The following SNX24 variants were observed in gnomAD, a reference collection of about 807,000 sequenced individuals.
SNX24 encodes sorting nexin-24.
Under a neutral mutation model 28.7 loss-of-function variants are expected in SNX24, and 22 were observed. That is an observed-to-expected ratio of 0.77 (90% CI 0.55 to 1.10). The LOEUF (loss-of-function observed/expected upper bound fraction) is 1.10. SNX24 is among the 50% of genes least tolerant of loss of function. The probability of loss-of-function intolerance (pLI) is 0.00; values close to 1 mark genes in which losing one functional copy is unlikely to be tolerated. For synonymous variants in SNX24, 69 were observed against 71.5 expected (o/e 0.96, Z 0.18); for missense variants, 221 against 201.1 (o/e 1.10, Z -0.60).
chr5:122,983,801 T>A (rs1394543687), intron 3 of SNX24, among the ~76,000 whole-genome samples: 1 of 152,192 alleles, frequency 6.6e-6, no homozygotes, highest in Non-Finnish European at 1.5e-5. Flanking sequence ...AGATGAGGTC[T>A]CACTATGTGT....
chr5:122,878,611 G>A (rs891512188), intron 1 of SNX24, among the ~76,000 whole-genome samples: 1 of 152,086 alleles, frequency 6.6e-6, no homozygotes, highest in African/African-American at 2.4e-5. Context: ...GAGGTGAACT[G>A]CTGTTCTTGG....
intron 5 of SNX24, among the ~76,000 whole-genome samples, chr5:123,018,745 G>A (rs924754323): frequency 2.6e-5 from 4 of 151,930 alleles, no homozygotes; most frequent in Admixed American, 2.6e-4. Flanking sequence ...GGAGTGCAGT[G>A]GTGGGATATC....
At chr5:122,908,314 T>G (rs1757736375) in intron 1 of SNX24, among the ~76,000 whole-genome samples, 2 of 152,136 alleles carry the variant, frequency 1.3e-5, no homozygotes, top group South Asian at 4.1e-4. Context: ...CGTCAGAAAC[T>G]AGAAACTTGA....
chr5:122,968,134 A>C (rs1016647693), intron 3 of SNX24, among the ~76,000 whole-genome samples: 25 of 152,200 alleles, frequency 1.6e-4, no homozygotes, highest in African/African-American at 6.0e-4. Context: ...CAGGCAGATC[A>C]CCTGAGGTCA....
At chr5:123,020,350 G>A (rs771426389) in intron 5 of SNX24, among the ~76,000 whole-genome samples, 4 of 152,204 alleles carry the variant, frequency 2.6e-5, no homozygotes, top group Non-Finnish European at 5.9e-5. Context: ...ATTTACTTAT[G>A]TGAATTTGCA....
chr5:122,945,699 TCATC>T (rs952162924), intron 2 of SNX24, among the ~76,000 whole-genome samples: 33 of 152,244 alleles, frequency 2.2e-4, no homozygotes, highest in Non-Finnish European at 3.7e-4. Context: ...GCAAAGTCCT[TCATC>T]CAAGTAAAAT....
At chr5:122,943,595 C>CT (rs1759556974) in intron 2 of SNX24, among the ~76,000 whole-genome samples, 1 of 152,054 alleles carries the variant, frequency 6.6e-6, no homozygotes, top group Admixed American at 6.5e-5. Context: ...ACTGAGGTCC[C>CT]TTTTTTTTCT....
At position 123,029,067 on chromosome 5, in the gene SNX24, A is replaced by G. The variant is rs952164861; in HGVS notation, n.384-171A>G. 4 of 844,554 alleles carry G rather than the reference A, an allele frequency of 4.7e-6. No homozygotes were observed. In the African/African-American group the frequency reaches 6.9e-5, roughly 14 times the overall value. The allele number at this position is 844,554 out of a possible 1,614,324, so 52.3% of individuals were successfully genotyped here. A position where few individuals can be genotyped will look rare whatever the true frequency, so the allele number is the denominator to read the frequency against. On this transcript the variant is annotated intron_variant and non_coding_transcript_variant, in intron 5 of 5. Transcript: ENST00000502387. ...AATATGTTATGGAAGTAGAGTATTA[A>G]TGTGAATAAGTTAAAAGAGAGCAAA...
chr5:122,931,507 T>C (rs2150112089), intron 1 of SNX24, among the ~76,000 whole-genome samples: 1 of 152,290 alleles, frequency 6.6e-6, no homozygotes, highest in Non-Finnish European at 1.5e-5. Context: ...TTTTTTATTA[T>C]CTTGAATGTT....
At chr5:122,931,816 G>A (rs1217718947) in intron 1 of SNX24, among the ~76,000 whole-genome samples, 1 of 151,728 alleles carries the variant, frequency 6.6e-6, no homozygotes, top group Non-Finnish European at 1.5e-5. Context: ...ATCTGTTATA[G>A]AGAATTCTTT....
At chr5:122,852,055 C>T (rs1246728847) in intron 1 of SNX24, among the ~76,000 whole-genome samples, 1 of 151,340 alleles carries the variant, frequency 6.6e-6, no homozygotes, top group Non-Finnish European at 1.5e-5. Flanking sequence ...TTTATTGGTA[C>T]TGTAGTGCTA....
At chr5:122,861,121 C>T (rs1387593838) in intron 1 of SNX24, among the ~76,000 whole-genome samples, 2 of 151,930 alleles carry the variant, frequency 1.3e-5, no homozygotes, top group African/African-American at 2.4e-5. Context: ...GGGTAGATCA[C>T]TTGAGGTCAG....
intron 5 of SNX24, chr5:123,025,794 A>G (rs558434599): frequency 3.1e-6 from 5 of 1,612,990 alleles, no homozygotes; most frequent in African/African-American, 1.3e-5. Flanking sequence ...CATCCCATCA[A>G]TGACTTTTCC....
At chr5:122,929,319 T>C (rs1758846853) in intron 1 of SNX24, among the ~76,000 whole-genome samples, 1 of 152,144 alleles carries the variant, frequency 6.6e-6, no homozygotes, top group Non-Finnish European at 1.5e-5. Flanking sequence ...ATCAGCTCTT[T>C]AGGAAAAGCT....
intron 1 of SNX24, among the ~76,000 whole-genome samples, chr5:122,891,872 T>C (rs1756988905): frequency 6.6e-6 from 1 of 152,216 alleles, no homozygotes; most frequent in Non-Finnish European, 1.5e-5. Flanking sequence ...GAGAATAAAA[T>C]GTGTGTAAGT....
At chr5:122,895,181 T>TA (rs535346156) in intron 1 of SNX24, among the ~76,000 whole-genome samples, 45 of 152,012 alleles carry the variant, frequency 3.0e-4, no homozygotes, top group Middle Eastern at 3.4e-3. Flanking sequence ...TATTCATGGT[T>TA]AAAAAAATTA....
intron 1 of SNX24, among the ~76,000 whole-genome samples, chr5:122,855,077 CT>C (rs35771449): frequency 1.5e-3 from 219 of 144,940 alleles, no homozygotes; most frequent in Non-Finnish European, 1.5e-3. Context: ...TTTCCTTTTC[CT>C]TTTTTTTTTT....
At chr5:122,865,711 TGA>T (rs1755689254) in intron 1 of SNX24, among the ~76,000 whole-genome samples, 1 of 152,064 alleles carries the variant, frequency 6.6e-6, no homozygotes, top group East Asian at 1.9e-4. Context: ...AGGATGGAGG[TGA>T]GAGGAGGCAG....
chr5:122,852,195 G>A (rs977649347), intron 1 of SNX24, among the ~76,000 whole-genome samples: 6 of 149,408 alleles, frequency 4.0e-5, no homozygotes, highest in East Asian at 2.0e-4. Flanking sequence ...TTCAAGTTCC[G>A]GGATACATGT....
Sources: gnomAD v4.1 joint callset for allele counts (sites outside exome capture counted in the v4.1 genomes callset) on GRCh38, gnomAD v4.1.1 for gene constraint, MANE v1.5 for transcripts, NCBI Gene and HGNC (gene_info 2026-07-23, HGNC 2026-07-21) for gene names.